PUSL1: variants seen among roughly 807,000 people sequenced by gnomAD.
The protein encoded by PUSL1 is pseudouridine synthase like 1, also known as tRNA pseudouridine synthase-like 1.
In PUSL1, 51 loss-of-function variants were observed where a neutral mutation model predicts 30.7. That is an observed-to-expected ratio of 1.66 (90% confidence interval 1.33 to 2.10). PUSL1 has a LOEUF of 2.10. PUSL1 is among the 30% of genes most tolerant of loss of function. The probability of loss-of-function intolerance (pLI) is 0.00; values close to 1 mark genes in which losing one functional copy is unlikely to be tolerated. For synonymous variants in PUSL1, 290 were observed against 192.1 expected (o/e 1.51, Z -4.21); for missense variants, 609 against 427.6 (o/e 1.42, Z -3.74).
In PUSL1 at chr1:1,309,513, G is replaced by A. The variant is rs771927051; in HGVS notation, c.383G>A (p.Arg128Gln). The change falls in exon 4 of 8, where the codon CGG becomes CAG. Residue 128 changes from arginine to glutamine, a missense_variant. Physicochemically the swap from Arg to Gln is conservative, Grantham distance 43. Transcript: ENST00000379031. ...DFHARHAATS[R>Q]TYLYRLATGC... ...CACGCTCGTCACGCAGCCACGTCCC[G>A]GACCTACCTGTACCGCCTGGCCACT... 1.2e-6 allele frequency: 2 copies of A among 1,610,656 alleles called. No homozygotes were observed. Among genetic ancestry groups the A allele is most frequent in the Admixed American group, 3.3e-5 (2 of 59,838 alleles).
At chr1:1,310,071 C>T (rs1207624013) in intron 5 of PUSL1, 3 of 531,108 alleles carry the variant, frequency 5.6e-6, no homozygotes, top group Non-Finnish European at 1.0e-5. Context: ...CTGCTTGTCT[C>T]TGAAAAACCC....
At position 1,311,582 on chromosome 1, in the gene PUSL1, G is replaced by T. The variant is rs558593844; in HGVS notation, c.*203G>T. On this transcript the variant is annotated 3_prime_UTR_variant, in exon 8 of 8. Transcript: ENST00000379031. ...TGCAGGACACAGCCATGTACACCAA[G>T]AAGAGAGTACCAAGTAGTCTTTTGT... 7.6e-5 allele frequency: 55 copies of T among 722,894 alleles called. No homozygotes were observed. In the South Asian group the frequency reaches 8.2e-4, roughly 11 times the overall value. The allele number at this position is 722,894 out of a possible 1,614,324, so 44.8% of individuals were successfully genotyped here.
Position 1,309,146 on chromosome 1 carries a change from G to T in PUSL1, c.196G>T (p.Asp66Tyr). ...CAGGTTCACCATCTCCAGCCGCACG[G>T]ACGCCGGGGTCCACGCCCTGAGCAA... is the stretch of plus-strand genomic sequence containing the variant. ...PVRFTISSRT[D>Y]AGVHALSNAA... Residue 66 changes from aspartate to tyrosine, a missense_variant, in exon 3 of 8, where the codon GAC becomes TAC. Coordinates refer to ENST00000379031, the MANE Select transcript of PUSL1 (RefSeq NM_153339.3). 1.3e-6 allele frequency: 2 copies of T among 1,530,478 alleles called. No individual in the cohort carries two copies. The highest frequency in any genetic ancestry group is 1.7e-6 in the Non-Finnish European group (2 of 1,146,640). 94.8% of individuals were successfully genotyped at this position (1,530,478 alleles called of 1,614,324 possible).
In PUSL1 at chr1:1,309,675, C is replaced by CT. The variant is rs1168230333; in HGVS notation, c.474-5dup. The CT allele has an allele frequency of 9.4e-6, 15 of 1,595,928 alleles. No homozygotes were observed. The Admixed American group carries it at 1.5e-4, about 16-fold the overall frequency. Reference sequence around the variant, plus strand: ...ACCCTCCTGACGGTCACCCTGGTCCCTGAAGCTGCCTGGATATGGTCGCCA... The same window carrying CT: ...ACCCTCCTGACGGTCACCCTGGTCCCTTGAAGCTGCCTGGATATGGTCGCCA... On this transcript the variant is annotated splice_region_variant and splice_polypyrimidine_tract_variant and intron_variant, in intron 4 of 7. Coordinates refer to ENST00000379031, the MANE Select transcript of PUSL1 (RefSeq NM_153339.3).
chr1:1,308,629 C>G lies in PUSL1; in HGVS notation c.-15C>G. On this transcript the variant is annotated 5_prime_UTR_variant, in exon 1 of 8. Transcript: ENST00000379031. ...CGCTGGAGGCCGCCTCTGACGCCAC[C>G]GGCTGGGCTCCGCCATGAGTTCGGC... 3 of 1,495,118 alleles carry G rather than the reference C, an allele frequency of 2.0e-6. No homozygotes were observed. The highest frequency in any genetic ancestry group is 2.5e-5 in the South Asian group (2 of 79,386). The allele number at this position is 1,495,118 out of a possible 1,614,324, so 92.6% of individuals were successfully genotyped here. A position where few individuals can be genotyped will look rare whatever the true frequency, so the allele number is the denominator to read the frequency against.
intron 6 of PUSL1, 33 bp from the exon 7 acceptor site, chr1:1,310,876 C>T (rs766357941): frequency 1.1e-5 from 18 of 1,596,884 alleles, no homozygotes; most frequent in East Asian, 4.5e-5. Flanking sequence ...GGGTCACGGG[C>T]GGCTCTGGGT....
intron 5 of PUSL1, chr1:1,310,251 G>T (rs373413146): frequency 3.0e-4 from 101 of 341,326 alleles, no homozygotes; most frequent in African/African-American, 1.9e-3. Context: ...AAGGGGGGAA[G>T]AACTTCTGCC....
intron 6 of PUSL1, 38 bp downstream of exon 6, chr1:1,310,726 C>G (rs1226889108): frequency 6.2e-7 from 1 of 1,608,258 alleles, no homozygotes; most frequent in South Asian, 1.1e-5. Flanking sequence ...GGGGGTGGGG[C>G]TGAGGGTGGG....
At position 1,308,662 on chromosome 1, in the gene PUSL1, T is replaced by G; in HGVS notation, c.19T>G (p.Ser7Ala). 6.5e-7 allele frequency: 1 copy of G among 1,527,146 alleles called. No individual in the cohort carries two copies. Among genetic ancestry groups the G allele is most frequent in the East Asian group, 2.9e-5 (1 of 34,474 alleles). The allele number at this position is 1,527,146 out of a possible 1,614,324, so 94.6% of individuals were successfully genotyped here. The change falls in exon 1 of 8, where the codon TCA (serine) becomes GCA (alanine). Residue 7 changes from serine (S) to alanine (A), a missense_variant. Transcript: ENST00000379031. ...CTCCGCCATGAGTTCGGCGCCGGCCTCAGGCTCCGTGCGCGCGCGCTATCT... is the reference window on the plus strand; with the variant it reads ...CTCCGCCATGAGTTCGGCGCCGGCCGCAGGCTCCGTGCGCGCGCGCTATCT... Reference protein sequence around the residue: MSSAPASGSVRARYLVY... With the variant: MSSAPAAGSVRARYLVY...
Position 1,309,591 on chromosome 1 carries a change from C to T in PUSL1, c.461C>T (p.Thr154Ile), listed in dbSNP as rs763432233. ...GTGTTTGAACGCAACCTATGCTGGA[C>T]TCTCCCGGCAGAGTGAGTGTGGCCC... is the stretch of plus-strand genomic sequence containing the variant. Reference protein sequence around the residue: ...LPVFERNLCWTLPADCLDMVA... With the variant: ...LPVFERNLCWILPADCLDMVA... The change falls in exon 4 of 8, where the codon ACT (threonine) becomes ATT (isoleucine). Residue 154 changes from threonine to isoleucine, a missense_variant. By Grantham distance (89) the Thr-to-Ile change is moderately conservative. Transcript: ENST00000379031. The T allele has an allele frequency of 1.9e-6, 3 of 1,611,574 alleles. No individual in the cohort carries two copies. The highest frequency in any genetic ancestry group is 3.3e-5 in the Admixed American group (2 of 59,976).
rs775923867 is a variant in PUSL1 at position 1,309,139 on chromosome 1, C to T, written c.189C>T (p.Ser63=). ...AGCCGGTCAGGTTCACCATCTCCAG[C>T]CGCACGGACGCCGGGGTCCACGCCC... ...SVEPVRFTIS[S]RTDAGVHALS... is the part of the protein sequence containing the mutation. The change falls in exon 3 of 8, where the codon AGC becomes AGT. Residue 63 remains serine (S), a synonymous_variant. Transcript: ENST00000379031. 5.9e-6 allele frequency: 9 copies of T among 1,529,550 alleles called. No homozygotes were observed. The highest frequency in any genetic ancestry group is 1.2e-5 in the South Asian group (1 of 83,294). The allele number at this position is 1,529,550 out of a possible 1,614,324, so 94.7% of individuals were successfully genotyped here. A position where few individuals can be genotyped will look rare whatever the true frequency, so the allele number is the denominator to read the frequency against.
At position 1,309,516 on chromosome 1, in the gene PUSL1, C is replaced by T. The variant is rs368279935; in HGVS notation, c.386C>T (p.Thr129Ile). 1.2e-6 allele frequency: 2 copies of T among 1,610,968 alleles called. No individual in the cohort carries two copies. Among genetic ancestry groups the T allele is most frequent in the African/African-American group, 2.7e-5 (2 of 74,910 alleles). ...GCTCGTCACGCAGCCACGTCCCGGA[C>T]CTACCTGTACCGCCTGGCCACTGGC... ...FHARHAATSR[T>I]YLYRLATGCH... Residue 129 changes from threonine to isoleucine, a missense_variant, in exon 4 of 8, where the codon ACC (threonine) becomes ATC (isoleucine). By Grantham distance (89) the Thr-to-Ile change is moderately conservative (BLOSUM62 -1). Coordinates refer to ENST00000379031, the MANE Select transcript of PUSL1 (RefSeq NM_153339.3).
rs746666267 is a variant in PUSL1, at chr1:1,311,585, G to A, written c.*206G>A. The stretch of plus-strand genomic sequence containing the variant: ...AGGACACAGCCATGTACACCAAGAA[G>A]AGAGTACCAAGTAGTCTTTTGTTCA... On this transcript the variant is annotated 3_prime_UTR_variant, in exon 8 of 8. Transcript: ENST00000379031. 3 of 721,716 alleles carry A rather than the reference G, an allele frequency of 4.2e-6. No individual in the cohort carries two copies. Among genetic ancestry groups the A allele is most frequent in the South Asian group, 3.0e-5 (2 of 67,162 alleles). The allele number at this position is 721,716 out of a possible 1,614,324, so 44.7% of individuals were successfully genotyped here.
At position 1,309,151 on chromosome 1, in the gene PUSL1, CG is replaced by C; in HGVS notation, c.205del (p.Val69SerfsTer4). ...RFTISSRTDA[G>X]VHALSNAAHL... ...TCACCATCTCCAGCCGCACGGACGC[CG>C]GGGTCCACGCCCTGAGCAACGCGGC... is the stretch of plus-strand genomic sequence containing the variant. On this transcript the variant is annotated frameshift_variant, in exon 3 of 8. Coordinates refer to ENST00000379031, the MANE Select transcript of PUSL1 (RefSeq NM_153339.3). LOFTEE classifies it high-confidence loss of function. 6.5e-7 allele frequency: 1 copy of C among 1,532,088 alleles called. No individual in the cohort carries two copies. Among genetic ancestry groups the C allele is most frequent in the Non-Finnish European group, 8.7e-7 (1 of 1,147,556 alleles). The allele number at this position is 1,532,088 out of a possible 1,614,324, so 94.9% of individuals were successfully genotyped here.
In PUSL1 at chr1:1,309,664, C is replaced by A; in HGVS notation, c.474-17C>A. ...AGGCCGGCCCCACCCTCCTGACGGT[C>A]ACCCTGGTCCCTGAAGCTGCCTGGA... is the stretch of plus-strand genomic sequence containing the variant. On this transcript the variant is annotated splice_polypyrimidine_tract_variant and intron_variant, in intron 4 of 7. Coordinates refer to ENST00000379031, the MANE Select transcript of PUSL1 (RefSeq NM_153339.3). The A allele has an allele frequency of 6.3e-7, 1 of 1,595,304 alleles. No individual in the cohort carries two copies. The highest frequency in any genetic ancestry group is 1.7e-5 in the Admixed American group (1 of 59,458).
chr1:1,311,018 G>C lies in PUSL1; in HGVS notation c.809G>C (p.Arg270Pro), dbSNP rs778545872. Reference sequence around the variant, plus strand: ...GATCCCCTGGGCAAGCACCAGACACGTGTAGCCCCAGCCCACGGCTTATTC... The same window carrying C: ...GATCCCCTGGGCAAGCACCAGACACCTGTAGCCCCAGCCCACGGCTTATTC... ...SQDPLGKHQT[R>P]VAPAHGLFLK... The change falls in exon 7 of 8, where the codon CGT becomes CCT. Residue 270 changes from arginine to proline, a missense_variant. Transcript: ENST00000379031. The C allele has an allele frequency of 6.2e-7, 1 of 1,612,690 alleles. No homozygotes were observed. Among genetic ancestry groups the C allele is most frequent in the East Asian group, 2.2e-5 (1 of 44,880 alleles).
chr1:1,308,921 C>A lies in PUSL1; in HGVS notation c.84C>A (p.Val28=). Reference sequence around the variant, plus strand: ...CGCCCGCTTCTGCCCGCAGCGGGGTCGCGGCCGTCAGGGGCACTCAGCGCG... The same window carrying A: ...CGCCCGCTTCTGCCCGCAGCGGGGTAGCGGCCGTCAGGGGCACTCAGCGCG... ...FQYVGTDFNG[V]AAVRGTQRAV... is the part of the protein sequence containing the mutation. Residue 28 remains valine, a synonymous_variant, in exon 2 of 8, where the codon GTC becomes GTA. Coordinates refer to ENST00000379031, the MANE Select transcript of PUSL1 (RefSeq NM_153339.3). 7.0e-7 allele frequency: 1 copy of A among 1,419,160 alleles called. No individual in the cohort carries two copies. Among genetic ancestry groups the A allele is most frequent in the Non-Finnish European group, 9.2e-7 (1 of 1,089,536 alleles). 87.9% of individuals were successfully genotyped at this position (1,419,160 alleles called of 1,614,324 possible).
intron 2 of PUSL1, 51 bp from the exon 3 acceptor site, chr1:1,309,035 C>T (rs77634089): frequency 6.5e-6 from 9 of 1,391,320 alleles, no homozygotes; most frequent in Non-Finnish European, 8.3e-6. Context: ...GCCCGCGCGT[C>T]CCCGGGGTCC....
rs2100531941 is a variant in PUSL1, at chr1:1,309,715, C to T, written c.508C>T (p.Gln170Ter). 1 of 1,597,774 alleles carries T rather than the reference C, an allele frequency of 6.3e-7. No homozygotes were observed. The highest frequency in any genetic ancestry group is 8.6e-7 in the Non-Finnish European group (1 of 1,169,572). ...LDMVAMQEAA[Q>*]HLLGTHDFSA... ...TATGGTCGCCATGCAGGAAGCCGCC[C>T]AGCACCTCCTCGGCACACACGACTT... Residue 170 changes from glutamine (Q) to a stop codon, truncating the protein, a stop_gained, in exon 5 of 8, where the codon CAG (glutamine) becomes TAG (stop). Transcript: ENST00000379031. LOFTEE classifies it high-confidence loss of function.
Sources: gnomAD v4.1 joint callset for allele counts on GRCh38, gnomAD v4.1.1 for gene constraint, MANE v1.5 for transcripts, NCBI Gene and HGNC (gene_info 2026-07-23, HGNC 2026-07-21) for gene names.